CACNA1A: variants seen among roughly 807,000 people sequenced by gnomAD.
CACNA1A encodes the protein calcium voltage-gated channel subunit alpha1 A, also known as voltage-dependent P/Q-type calcium channel subunit alpha-1A.
In CACNA1A, 57 loss-of-function variants were observed where a neutral mutation model predicts 262.4. The observed-to-expected ratio is 0.22, with a 90% CI of 0.18 to 0.27. The LOEUF (loss-of-function observed/expected upper bound fraction) is 0.27, where lower values mean the gene tolerates loss of function less well. Ranked by LOEUF, CACNA1A falls within the 10% of genes least tolerant of loss-of-function variation. The probability of loss-of-function intolerance (pLI) is 1.00; values close to 1 mark genes in which losing one functional copy is unlikely to be tolerated. For missense variants in CACNA1A, 2,526 were observed against 3,562.8 expected, an observed-to-expected ratio of 0.71 and a Z score of 7.41; for synonymous variants, 1,431 against 1,419.3, an observed-to-expected ratio of 1.01 and a Z score of -0.18.
chr19:13,473,299 C>G (rs1165986685), intron 1 of CACNA1A, among the ~76,000 whole-genome samples: 1 of 151,132 alleles, frequency 6.6e-6, no homozygotes, highest in Non-Finnish European at 1.5e-5. Context: ...AAGACACTGA[C>G]ATGAAGGAGA....
chr19:13,386,636 AC>A (rs1392125809), intron 3 of CACNA1A, among the ~76,000 whole-genome samples: 1 of 152,018 alleles, frequency 6.6e-6, no homozygotes, highest in Non-Finnish European at 1.5e-5. Flanking sequence ...TAAAAAAAAT[AC>A]AAAAAATTAG....
At chr19:13,250,884 C>G (rs950388181) in intron 30 of CACNA1A, among the ~76,000 whole-genome samples, 1 of 152,036 alleles carries the variant, frequency 6.6e-6, no homozygotes, top group African/African-American at 2.4e-5. Context: ...GTAATCCCAG[C>G]ATTTTGGGAG....
intron 1 of CACNA1A, among the ~76,000 whole-genome samples, chr19:13,503,263 C>A (rs148078839): frequency 6.6e-6 from 1 of 152,024 alleles, no homozygotes; most frequent in South Asian, 2.1e-4. Context: ...GTCAGGTGAG[C>A]GGTACCCTTG....
At chr19:13,452,461 C>G (rs1407870556) in intron 3 of CACNA1A, 1 of 155,378 alleles carries the variant, frequency 6.4e-6, no homozygotes, top group Non-Finnish European at 1.4e-5. Flanking sequence ...ACACTTAAAA[C>G]CTTGAGTTCT....
intron 3 of CACNA1A, among the ~76,000 whole-genome samples, chr19:13,434,932 G>C (rs143084837): frequency 0.028 from 4,227 of 151,808 alleles, 73 homozygotes; most frequent in Non-Finnish European, 0.042. Flanking sequence ...TGGGACCACA[G>C]GCGCGTGCCA....
In CACNA1A at chr19:13,207,608, T is replaced by C; in HGVS notation, c.7226A>G (p.Tyr2409Cys). 6.7e-7 allele frequency: 1 copy of C among 1,481,772 alleles called. No homozygotes were observed. Among genetic ancestry groups the C allele is most frequent in the Non-Finnish European group, 9.0e-7 (1 of 1,116,362 alleles). The allele number at this position is 1,481,772 out of a possible 1,614,324, so 91.8% of individuals were successfully genotyped here. A position where few individuals can be genotyped will look rare whatever the true frequency, so the allele number is the denominator to read the frequency against. Residue 2409 changes from tyrosine (Y) to cysteine (C), a missense_variant, in exon 47 of 47, where the codon TAC becomes TGC. This residue lies in a region of CACNA1A where 929 missense variants were observed against 868.1 expected (regional missense o/e 1.07). Coordinates refer to ENST00000360228, the MANE Select transcript of CACNA1A (RefSeq NM_001127222.2). The surrounding 1 kb of genome is among the most constrained non-coding windows in gnomAD (Gnocchi z 5.7). ...EGPPGPRHHG[Y>C]YRGSDYDEAD... is the part of the protein sequence containing the mutation. ...CTCGTCGTAGTCGGAGCCCCGGTAG[T>C]AGCCATGGTGCCGGGGACCCGGGGG... is the stretch of plus-strand genomic sequence containing the variant.
At chr19:13,468,442 C>T (rs1016698179) in intron 1 of CACNA1A, among the ~76,000 whole-genome samples, 5 of 152,096 alleles carry the variant, frequency 3.3e-5, no homozygotes, top group Non-Finnish European at 7.4e-5. Flanking sequence ...CAGTAAAATC[C>T]TCCATTTCCC....
intron 28 of CACNA1A, chr19:13,256,140 C>A (rs1018441284): frequency 1.3e-5 from 2 of 151,860 alleles, no homozygotes; most frequent in African/African-American, 4.8e-5. Flanking sequence ...CAGGCGTGCA[C>A]CACCACACCC....
intron 19 of CACNA1A, among the ~76,000 whole-genome samples, chr19:13,287,507 T>C (rs150943991): frequency 1.3e-5 from 2 of 152,176 alleles, no homozygotes; most frequent in Admixed American, 1.3e-4. Context: ...CAACTCCCCA[T>C]CATCTTATTT....
intron 6 of CACNA1A, among the ~76,000 whole-genome samples, chr19:13,346,847 T>G (rs1304494104): frequency 6.7e-6 from 1 of 148,874 alleles, no homozygotes; most frequent in African/African-American, 2.5e-5. Flanking sequence ...GCCCAGCTAA[T>G]TTTTTGTATT....
intron 1 of CACNA1A, 136 bp from the exon 2 acceptor site, chr19:13,455,348 G>A (rs370502836): frequency 6.0e-5 from 34 of 571,166 alleles, no homozygotes; most frequent in South Asian, 2.6e-4. Context: ...GGAATTATTC[G>A]TTCTCCTGTC....
intron 12 of CACNA1A, among the ~76,000 whole-genome samples, chr19:13,310,452 C>A (rs1233156301): frequency 5.5e-5 from 2 of 36,356 alleles, no homozygotes; most frequent in East Asian, 9.9e-4. Context: ...GAGACTCTGT[C>A]TCAAAAAAAA....
intron 3 of CACNA1A, among the ~76,000 whole-genome samples, chr19:13,394,948 A>G (rs1355802055): frequency 6.6e-6 from 1 of 151,800 alleles, no homozygotes; most frequent in Non-Finnish European, 1.5e-5. Flanking sequence ...CTTTCCCTCC[A>G]CCTTTCTTTG....
chr19:13,348,950 G>A (rs1335630417), intron 6 of CACNA1A, among the ~76,000 whole-genome samples: 2 of 147,946 alleles, frequency 1.4e-5, no homozygotes, highest in Non-Finnish European at 3.0e-5. Flanking sequence ...GGAGGTTGTA[G>A]TGAGCCGAGA....
At chr19:13,284,931 T>A in intron 21 of CACNA1A, 137 bp downstream of exon 21, 1 of 735,244 alleles carries the variant, frequency 1.4e-6, no homozygotes, top group Non-Finnish European at 2.2e-6. Flanking sequence ...GGAAGGAGCA[T>A]CCATTTTCAA....
In CACNA1A at chr19:13,212,014, G is replaced by T; in HGVS notation, c.6303+89C>A. ...ACCCAGGCCTGAGTCCGGCAGGGAG[G>T]GGATGCACTGGGCTGCTTGTGGGGG... On this transcript the variant is annotated intron_variant, in intron 43 of 46. Coordinates refer to ENST00000360228, the MANE Select transcript of CACNA1A (RefSeq NM_001127222.2). This position sits in a 1 kb window ranked among gnomAD's most constrained non-coding sequence, Gnocchi z 5.6. 1.1e-6 allele frequency: 1 copy of T among 904,734 alleles called. No homozygotes were observed. The allele number at this position is 904,734 out of a possible 1,614,324, so 56.0% of individuals were successfully genotyped here.
chr19:13,502,771 G>A (rs1399741842), intron 1 of CACNA1A, among the ~76,000 whole-genome samples: 1 of 152,186 alleles, frequency 6.6e-6, no homozygotes, highest in Non-Finnish European at 1.5e-5. Flanking sequence ...AGGGATGAAA[G>A]AGGAAGAAAT....
chr19:13,297,575 C>T (rs940626541), intron 19 of CACNA1A, among the ~76,000 whole-genome samples: 1 of 152,062 alleles, frequency 6.6e-6, no homozygotes, highest in Admixed American at 6.6e-5. Context: ...TTTAGGGAGG[C>T]TAAGGCAGGC....
At chr19:13,444,605 C>G (rs1002391951) in intron 3 of CACNA1A, among the ~76,000 whole-genome samples, 9 of 152,096 alleles carry the variant, frequency 5.9e-5, no homozygotes, top group Non-Finnish European at 1.3e-4. Context: ...AGGCCATAGG[C>G]TAGTCAGGGG....
Sources: allele counts gnomAD v4.1 joint callset (sites outside exome capture counted in the v4.1 genomes callset), GRCh38; gene constraint gnomAD v4.1.1; regional missense constraint gnomAD v4.1.1; non-coding constraint Gnocchi (gnomAD v3.1); transcripts MANE v1.5; gene names NCBI Gene and HGNC (gene_info 2026-07-23, HGNC 2026-07-21).